The following NCS1 variants were observed in gnomAD, a reference collection of about 807,000 sequenced individuals.
The protein encoded by NCS1 is neuronal calcium sensor 1.
A neutral mutation model predicts 28.4 loss-of-function variants in NCS1; 6 were observed. The observed-to-expected ratio is 0.21, with a 90% confidence interval of 0.12 to 0.42. The LOEUF is 0.42. Among genes scored for constraint, NCS1 ranks in the 10% least tolerant of loss-of-function variants. NCS1 has a pLI of 1.00. For synonymous variants in NCS1, 86 were observed against 99.3 expected (o/e 0.87, Z 0.79); for missense variants, 131 against 241.4 (o/e 0.54, Z 3.03).
chr9:130,227,585 T>G (rs1833434068), intron 7 of NCS1, among the ~76,000 whole-genome samples: 1 of 152,234 alleles, frequency 6.6e-6, no homozygotes, highest in South Asian at 2.1e-4. Context: ...CTTTTCAAAT[T>G]TTAGCCATTT....
At position 130,219,647 on chromosome 9, in the gene NCS1, C is replaced by A; in HGVS notation, c.229-78C>A. Reference sequence around the variant, plus strand: ...CAGTGTCTGGAGCCTGCGACTGCCCCTCGCCCGTCCCGAGGTTCAGCCTGA... The same window carrying A: ...CAGTGTCTGGAGCCTGCGACTGCCCATCGCCCGTCCCGAGGTTCAGCCTGA... On this transcript the variant is annotated intron_variant, in intron 3 of 7. Coordinates refer to ENST00000372398, the MANE Select transcript of NCS1 (RefSeq NM_014286.4). This position sits in a 1 kb window ranked among gnomAD's most constrained non-coding sequence, Gnocchi z 5.7. 7.2e-7 allele frequency: 1 copy of A among 1,382,226 alleles called. No individual in the cohort carries two copies. The highest frequency in any genetic ancestry group is 1.0e-6 in the Non-Finnish European group (1 of 975,812). 85.6% of individuals were successfully genotyped at this position (1,382,226 alleles called of 1,614,324 possible). A position where few individuals can be genotyped will look rare whatever the true frequency, so the allele number is the denominator to read the frequency against.
chr9:130,210,153 C>A (rs1588119449), intron 2 of NCS1, among the ~76,000 whole-genome samples: 1 of 152,048 alleles, frequency 6.6e-6, no homozygotes, highest in Non-Finnish European at 1.5e-5. Flanking sequence ...GTAATCCCAG[C>A]ATTTTGGGAG....
intron 1 of NCS1, among the ~76,000 whole-genome samples, chr9:130,188,040 C>T (rs1315416546): frequency 1.3e-5 from 2 of 152,350 alleles, no homozygotes; most frequent in African/African-American, 4.8e-5. Context: ...CCTGCTCGGC[C>T]TCTTGCAGTT....
At chr9:130,178,685 G>A (rs1231444709) in intron 1 of NCS1, among the ~76,000 whole-genome samples, 1 of 152,124 alleles carries the variant, frequency 6.6e-6, no homozygotes, top group Non-Finnish European at 1.5e-5. Context: ...AAAAATTGTT[G>A]TTGGCTGCAG....
intron 2 of NCS1, among the ~76,000 whole-genome samples, chr9:130,217,430 G>A (rs1160228216): frequency 6.6e-6 from 1 of 152,198 alleles, no homozygotes; most frequent in Non-Finnish European, 1.5e-5. Context: ...ATGCCAGGAG[G>A]GGCTCAGCAG....
At chr9:130,185,782 G>A (rs1354378516) in intron 1 of NCS1, among the ~76,000 whole-genome samples, 12 of 152,384 alleles carry the variant, frequency 7.9e-5, no homozygotes, top group African/African-American at 2.9e-4. Context: ...CCGGGTTCTT[G>A]CCCCTCGGCC....
At chr9:130,173,934 G>A (rs1368176479) in intron 1 of NCS1, among the ~76,000 whole-genome samples, 1 of 152,220 alleles carries the variant, frequency 6.6e-6, no homozygotes, top group Non-Finnish European at 1.5e-5. Flanking sequence ...AACAAAGGGG[G>A]CTTTCCTGAG....
intron 2 of NCS1, among the ~76,000 whole-genome samples, chr9:130,203,385 G>T (rs923835845): frequency 6.6e-6 from 1 of 152,164 alleles, no homozygotes; most frequent in Non-Finnish European, 1.5e-5. Context: ...GATTACAGGC[G>T]TAAGCCACCG....
chr9:130,213,740 G>A (rs183056299), intron 2 of NCS1, among the ~76,000 whole-genome samples: 59 of 151,932 alleles, frequency 3.9e-4, no homozygotes, highest in Non-Finnish European at 7.5e-4. Flanking sequence ...CATGAGGCAC[G>A]TGCTTATTTT....
chr9:130,213,172 G>C (rs529133903), intron 2 of NCS1, among the ~76,000 whole-genome samples: 1 of 152,346 alleles, frequency 6.6e-6, no homozygotes, highest in South Asian at 2.1e-4. Flanking sequence ...TCTGAGCCCT[G>C]TTTCTGCTGG....
intron 6 of NCS1, among the ~76,000 whole-genome samples, chr9:130,224,726 A>G (rs1418210639): frequency 3.9e-5 from 6 of 152,202 alleles, no homozygotes; most frequent in African/African-American, 1.4e-4. Flanking sequence ...ATTTACCTAT[A>G]TAACAAACCT....
intron 2 of NCS1, among the ~76,000 whole-genome samples, chr9:130,217,204 G>C (rs76332303): frequency 6.6e-6 from 1 of 152,184 alleles, no homozygotes; most frequent in Non-Finnish European, 1.5e-5. Context: ...AAGCCATTCC[G>C]GCGTCAGCCA....
At chr9:130,202,153 G>A (rs1832957097) in intron 2 of NCS1, among the ~76,000 whole-genome samples, 3 of 152,222 alleles carry the variant, frequency 2.0e-5, no homozygotes, top group Non-Finnish European at 4.4e-5. Flanking sequence ...ATGGTTATGT[G>A]CTTACGAGGC....
chr9:130,217,169 G>T (rs1341883351), intron 2 of NCS1, among the ~76,000 whole-genome samples: 2 of 152,246 alleles, frequency 1.3e-5, no homozygotes, highest in African/African-American at 4.8e-5. Context: ...GAATGGCAGA[G>T]ATCTGTCCTG....
At chr9:130,201,861 TC>T (rs1226211007) in intron 2 of NCS1, among the ~76,000 whole-genome samples, 1 of 152,142 alleles carries the variant, frequency 6.6e-6, no homozygotes, top group Non-Finnish European at 1.5e-5. Context: ...CTTCTGCACT[TC>T]CCCAGGTGAG....
intron 2 of NCS1, among the ~76,000 whole-genome samples, chr9:130,203,942 G>T (rs1554907763): frequency 6.6e-6 from 1 of 152,052 alleles, no homozygotes; most frequent in Admixed American, 6.6e-5. Flanking sequence ...TGGGATCTTG[G>T]GCTCCAGAAC....
chr9:130,218,273 G>A (rs531218360), intron 3 of NCS1, among the ~76,000 whole-genome samples: 38 of 152,308 alleles, frequency 2.5e-4, no homozygotes, highest in African/African-American at 7.9e-4. Context: ...ACATGCAGGC[G>A]AATACCATGC....
chr9:130,223,165 G>A lies in NCS1; in HGVS notation c.474+6G>A, dbSNP rs1554910851. 1.2e-6 allele frequency: 2 copies of A among 1,606,260 alleles called. No individual in the cohort carries two copies. Among genetic ancestry groups the A allele is most frequent in the South Asian group, 1.1e-5 (1 of 90,850 alleles). ...TCTTTGCCATGATGGATAAGGTGAG[G>A]TGGGGGGGCGGGGCTGGTCCTGGAC... On this transcript the variant is annotated splice_donor_region_variant and intron_variant, in intron 6 of 7. Coordinates refer to ENST00000372398, the MANE Select transcript of NCS1 (RefSeq NM_014286.4).
At chr9:130,222,536 G>A (rs1833346339) in intron 4 of NCS1, 114 bp from the exon 5 acceptor site, 2 of 798,422 alleles carry the variant, frequency 2.5e-6, no homozygotes. Context: ...ACCTGATGAG[G>A]AATGGGCCAT....
Sources: gnomAD v4.1 joint callset for allele counts (sites outside exome capture counted in the v4.1 genomes callset) on GRCh38, gnomAD v4.1.1 for gene constraint, Gnocchi (gnomAD v3.1) non-coding constraint, MANE v1.5 for transcripts, NCBI Gene and HGNC (gene_info 2026-07-23, HGNC 2026-07-21) for gene names.